The following NOC4L variants were observed in gnomAD, a reference collection of about 807,000 sequenced individuals.
NOC4L encodes the protein nucleolar complex protein 4 homolog.
NOC4L carries 40 observed loss-of-function variants against 62.8 expected under a neutral mutation model. The observed-to-expected ratio is 0.64, with a 90% CI of 0.49 to 0.83. The LOEUF (loss-of-function observed/expected upper bound fraction) is 0.83. Ranked by LOEUF, NOC4L falls within the 40% of genes least tolerant of loss-of-function variation. The pLI is 0.00. For missense variants in NOC4L, 927 were observed against 701.9 expected (o/e 1.32, Z -3.62); for synonymous variants, 433 against 299.8 (o/e 1.44, Z -4.59).
chr12:132,151,793 C>G lies in NOC4L; in HGVS notation c.1290C>G (p.Ala430=), dbSNP rs756148956. The G allele has an allele frequency of 6.2e-7, 1 of 1,612,254 alleles. No individual in the cohort carries two copies. Among genetic ancestry groups the G allele is most frequent in the Non-Finnish European group, 8.5e-7 (1 of 1,179,766 alleles). The change falls in exon 13 of 15, where the codon GCC becomes GCG. Residue 430 remains alanine (A), a synonymous_variant. Coordinates refer to ENST00000330579, the MANE Select transcript of NOC4L (RefSeq NM_024078.3). ...AGGAGGACCCAGCCCAGAGCCGGGC[C>G]TTGGAGAGCTCCCTGTGGGAGCTTC... ...PGEEDPAQSR[A]LESSLWELQA...
intron 3 of NOC4L, chr12:132,146,329 C>T (rs765233459): frequency 1.8e-5 from 8 of 455,916 alleles, no homozygotes; most frequent in South Asian, 6.2e-5. Flanking sequence ...TGAGTAGCAG[C>T]GCGTCGTATA....
rs1174032328 is a variant in NOC4L at position 132,148,598 on chromosome 12, C to T, written c.739-11C>T. The T allele has an allele frequency of 1.3e-6, 2 of 1,549,686 alleles. No homozygotes were observed. The highest frequency in any genetic ancestry group is 8.7e-7 in the Non-Finnish European group (1 of 1,146,358). On this transcript the variant is annotated splice_polypyrimidine_tract_variant and intron_variant, in intron 7 of 14. Transcript: ENST00000330579. ...GGGAGGGCGGCGAGTGCAGTCTGGA[C>T]CCCGTTGCAGGAGCACAGGAGGGTT... is the stretch of plus-strand genomic sequence containing the variant.
intron 8 of NOC4L, 47 bp from the exon 9 acceptor site, chr12:132,148,737 G>GGCCCTCC: frequency 8.5e-7 from 1 of 1,181,232 alleles, no homozygotes; most frequent in Non-Finnish European, 1.1e-6. Flanking sequence ...CGACCCGCCG[G>GGCCCTCC]CCCCCGCCCA....
intron 7 of NOC4L, 77 bp from the exon 8 acceptor site, chr12:132,148,532 T>C: frequency 6.7e-7 from 1 of 1,500,248 alleles, no homozygotes; most frequent in Middle Eastern, 1.7e-4. Context: ...AGGCTGGGCT[T>C]CGGGGTGCCC....
chr12:132,152,184 T>C lies in NOC4L; in HGVS notation c.1418T>C (p.Leu473Pro), dbSNP rs200523825. The change falls in exon 14 of 15, where the codon CTC becomes CCC. Residue 473 changes from leucine to proline, a missense_variant. By Grantham distance (98) the Leu-to-Pro change is moderately conservative. Transcript: ENST00000330579. The part of the protein sequence containing the change: ...PEVSIAPLLE[L>P]TAYEIFERDL... ...GTCAGCATCGCGCCACTGCTGGAGC[T>C]CACGGCCTACGAGGTGCGGAACTGG... The C allele has an allele frequency of 1.7e-4, 277 of 1,611,958 alleles. No homozygotes were observed. The highest frequency in any genetic ancestry group is 3.8e-4 in the Admixed American group (23 of 59,970).
chr12:132,145,061 C>T (rs117607158), intron 2 of NOC4L, 87 bp downstream of exon 2: 24,054 of 1,474,266 alleles, frequency 0.016, 230 homozygotes, highest in Non-Finnish European at 0.018. Flanking sequence ...GCCCCCAACC[C>T]TGGCACAGGC....
intron 3 of NOC4L, among the ~76,000 whole-genome samples, chr12:132,146,637 C>T (rs1237179780): frequency 2.0e-5 from 3 of 152,170 alleles, no homozygotes; most frequent in South Asian, 2.1e-4. Context: ...ATAATTATAG[C>T]CGAGCTGCAG....
At chr12:132,147,841 TG>T in intron 5 of NOC4L, 38 bp from the exon 6 acceptor site, 4 of 1,610,094 alleles carry the variant, frequency 2.5e-6, no homozygotes, top group African/African-American at 1.3e-5. Flanking sequence ...AGGCAGGGAC[TG>T]GGGGGCGGCG....
intron 1 of NOC4L, 44 bp from the exon 2 acceptor site, chr12:132,144,810 G>A: frequency 6.3e-7 from 1 of 1,578,762 alleles, no homozygotes; most frequent in African/African-American, 1.3e-5. Flanking sequence ...AGGGGCGAAG[G>A]TGACAGTTGG....
rs772761226 is a variant in NOC4L at position 132,145,515 on chromosome 12, G to C, written c.239-44G>C. Reference sequence around the variant, plus strand: ...GATTTTGGGCTGGGCCCAGGGTGGCGTATGTGGGCCTCACGTGGGCTGACC... The same window carrying C: ...GATTTTGGGCTGGGCCCAGGGTGGCCTATGTGGGCCTCACGTGGGCTGACC... On this transcript the variant is annotated intron_variant, in intron 2 of 14. Coordinates refer to ENST00000330579, the MANE Select transcript of NOC4L (RefSeq NM_024078.3). The C allele has an allele frequency of 2.3e-6, 3 of 1,323,806 alleles. No individual in the cohort carries two copies. The Admixed American group carries it at 5.5e-5, about 24-fold the overall frequency. The allele number at this position is 1,323,806 out of a possible 1,614,324, so 82.0% of individuals were successfully genotyped here. A position where few individuals can be genotyped will look rare whatever the true frequency, so the allele number is the denominator to read the frequency against.
chr12:132,151,415 C>T, intron 11 of NOC4L, 47 bp downstream of exon 11: 1 of 1,602,550 alleles, frequency 6.2e-7, no homozygotes, highest in South Asian at 1.1e-5. Context: ...GCGGCTGCAG[C>T]CTGGGGCCAG....
Position 132,144,591 on chromosome 12 carries a change from C to A in NOC4L, c.103C>A (p.Leu35Met). 1 of 1,520,958 alleles carries A rather than the reference C, an allele frequency of 6.6e-7. No homozygotes were observed. Among genetic ancestry groups the A allele is most frequent in the East Asian group, 2.5e-5 (1 of 39,680 alleles). 94.2% of individuals were successfully genotyped at this position (1,520,958 alleles called of 1,614,324 possible). The part of the protein sequence containing the change: ...RSEANAVFDI[L>M]AVLQSEDQEE... ...TGAGGCCAACGCCGTGTTCGACATC[C>A]TGGCCGTGCTGCAGGTGGGCCTGGC... Residue 35 changes from leucine to methionine, a missense_variant, in exon 1 of 15, where the codon CTG (leucine) becomes ATG (methionine). By Grantham distance (15) the Leu-to-Met change is conservative. Transcript: ENST00000330579.
At chr12:132,148,735 C>CG in intron 8 of NOC4L, 49 bp from the exon 9 acceptor site, 8 of 1,309,272 alleles carry the variant, frequency 6.1e-6, no homozygotes, top group Admixed American at 5.5e-5. Context: ...CCCGACCCGC[C>CG]GGCCCCCGCC....
At position 132,148,888 on chromosome 12, in the gene NOC4L, C is replaced by T. The variant is rs149220883; in HGVS notation, c.894C>T (p.Cys298=). ...TGATCGACTTCCTCACCCGCGCCTG[C>T]GACCTCGGTGAGTGCCGCCGCCTCG... ...TLMIDFLTRA[C]DLGGALSLLA... Residue 298 remains cysteine (C), a synonymous_variant, in exon 9 of 15, where the codon TGC becomes TGT. Transcript: ENST00000330579. The T allele has an allele frequency of 8.8e-5, 140 of 1,588,302 alleles. No homozygotes were observed. The highest frequency in any genetic ancestry group is 7.4e-4 in the East Asian group (33 of 44,502).
intron 2 of NOC4L, among the ~76,000 whole-genome samples, chr12:132,145,273 TC>T (rs1475024814): frequency 6.6e-6 from 1 of 152,140 alleles, no homozygotes; most frequent in East Asian, 1.9e-4. Flanking sequence ...TTCCTTTATG[TC>T]CCCATCCTGG....
At chr12:132,144,665 G>A in intron 1 of NOC4L, 60 bp downstream of exon 1, 1 of 1,457,228 alleles carries the variant, frequency 6.9e-7, no homozygotes, top group Non-Finnish European at 9.0e-7. Context: ...TTGAATGGGG[G>A]GCTGCGGCGG....
rs778220342 is a variant in NOC4L, at chr12:132,144,500, G to C, written c.12G>C (p.Glu4Asp). 1 of 1,520,840 alleles carries C rather than the reference G, an allele frequency of 6.6e-7. No individual in the cohort carries two copies. The highest frequency in any genetic ancestry group is 8.7e-7 in the Non-Finnish European group (1 of 1,145,596). The allele number at this position is 1,520,840 out of a possible 1,614,324, so 94.2% of individuals were successfully genotyped here. MER[E>D]PGAAGVRRAL... ...GTGTTGGGGGCGGCATGGAGCGGGA[G>C]CCGGGCGCCGCGGGAGTTCGCCGGG... The change falls in exon 1 of 15, where the codon GAG becomes GAC. Residue 4 changes from glutamate to aspartate, a missense_variant. Transcript: ENST00000330579.
In NOC4L at chr12:132,151,040, C is replaced by G. The variant is rs772166478; in HGVS notation, c.961C>G (p.Leu321Val). 1.9e-6 allele frequency: 3 copies of G among 1,610,078 alleles called. No individual in the cohort carries two copies. Among genetic ancestry groups the G allele is most frequent in the Non-Finnish European group, 1.7e-6 (2 of 1,178,234 alleles). Reference sequence around the variant, plus strand: ...GTTCATCTTGATTCACAAACACAACCTGTGAGTGTCACCAGGGGTGCAGGT... The same window carrying G: ...GTTCATCTTGATTCACAAACACAACGTGTGAGTGTCACCAGGGGTGCAGGT... The part of the protein sequence containing the change: ...GLFILIHKHN[L>V]EYPDFYRKLY... The change falls in exon 10 of 15, where the codon CTG becomes GTG. Residue 321 changes from leucine (L) to valine (V), a missense_variant and splice_region_variant. Leu to Val is a conservative substitution (Grantham distance 32). Transcript: ENST00000330579.
chr12:132,147,627 C>A lies in NOC4L; in HGVS notation c.454-6C>A. On this transcript the variant is annotated splice_region_variant and splice_polypyrimidine_tract_variant and intron_variant, in intron 4 of 14. Transcript: ENST00000330579. ...GGCAGGGCTGCTCACTGGTCCTTGCCCCTAGTTGGTGGTGGGAGGCCTGCT... is the reference window on the plus strand; with the variant it reads ...GGCAGGGCTGCTCACTGGTCCTTGCACCTAGTTGGTGGTGGGAGGCCTGCT... 1.2e-6 allele frequency: 2 copies of A among 1,612,542 alleles called. No individual in the cohort carries two copies. Among genetic ancestry groups the A allele is most frequent in the Non-Finnish European group, 1.7e-6 (2 of 1,179,790 alleles).
Sources: gnomAD v4.1 joint callset for allele counts (sites outside exome capture counted in the v4.1 genomes callset) on GRCh38, gnomAD v4.1.1 for gene constraint, MANE v1.5 for transcripts, NCBI Gene and HGNC (gene_info 2026-07-23, HGNC 2026-07-21) for gene names.